Variants in WDR70 observed in about 807,000 individuals in gnomAD.
WDR70 encodes WD repeat domain 70.
In WDR70, 53 loss-of-function variants were observed where a neutral mutation model predicts 88.6. That is an observed-to-expected ratio of 0.60 (90% CI 0.48 to 0.75). The LOEUF is 0.75. WDR70 is among the 30% of genes least tolerant of loss of function. The pLI is 0.00. For missense variants in WDR70, 610 were observed against 823.2 expected, an observed-to-expected ratio of 0.74 and a Z score of 3.17; for synonymous variants, 280 against 270.0, an observed-to-expected ratio of 1.04 and a Z score of -0.36.
At chr5:37,519,967 C>T (rs1741035917) in intron 9 of WDR70, among the ~76,000 whole-genome samples, 1 of 152,140 alleles carries the variant, frequency 6.6e-6, no homozygotes, top group African/African-American at 2.4e-5. Context: ...GCATTTGTAT[C>T]TGCTCATCCA....
intron 17 of WDR70, among the ~76,000 whole-genome samples, chr5:37,731,607 A>G (rs1392820673): frequency 2.6e-5 from 4 of 152,096 alleles, no homozygotes; most frequent in African/African-American, 9.6e-5. Context: ...TTTTTTTTAT[A>G]CTTCAGAAAC....
intron 10 of WDR70, among the ~76,000 whole-genome samples, chr5:37,669,265 T>A (rs1745951324): frequency 6.6e-6 from 1 of 152,146 alleles, no homozygotes; most frequent in Non-Finnish European, 1.5e-5. Flanking sequence ...ATTATGGGGA[T>A]GCTGAATGGA....
intron 3 of WDR70, among the ~76,000 whole-genome samples, chr5:37,387,098 TAA>T (rs34087509): frequency 5.0e-5 from 7 of 140,222 alleles, no homozygotes; most frequent in Admixed American, 7.2e-5. Context: ...AAACTCTGTC[TAA>T]AAAAAAAAAA....
At chr5:37,382,397 TTTTTGTTTTTTTG>T (rs2111844616) in intron 3 of WDR70, among the ~76,000 whole-genome samples, 1 of 151,510 alleles carries the variant, frequency 6.6e-6, no homozygotes, top group South Asian at 2.1e-4. Flanking sequence ...TGTGCCCCGC[TTTTTGTTTTTTTG>T]TTTTGTTTTG....
At chr5:37,697,536 G>T in intron 10 of WDR70, 119 bp from the exon 11 acceptor site, 1 of 696,956 alleles carries the variant, frequency 1.4e-6, no homozygotes, top group South Asian at 2.4e-5. Flanking sequence ...TGTGAAATTA[G>T]TACTTTGCTT....
At chr5:37,446,877 T>C (rs1738499935) in intron 7 of WDR70, among the ~76,000 whole-genome samples, 1 of 152,204 alleles carries the variant, frequency 6.6e-6, no homozygotes, top group Admixed American at 6.5e-5. Flanking sequence ...GACATAGGCA[T>C]GGGCAAGGAC....
intron 9 of WDR70, among the ~76,000 whole-genome samples, chr5:37,568,947 C>T (rs1742821303): frequency 6.6e-6 from 1 of 152,124 alleles, no homozygotes; most frequent in African/African-American, 2.4e-5. Context: ...AGCACCCTGC[C>T]TAACCTACAT....
At chr5:37,480,959 T>C (rs1414061376) in intron 8 of WDR70, among the ~76,000 whole-genome samples, 2 of 152,188 alleles carry the variant, frequency 1.3e-5, no homozygotes, top group African/African-American at 4.8e-5. Flanking sequence ...ATGAGAGAAA[T>C]TGGCCAAAGC....
chr5:37,605,281 T>C, intron 10 of WDR70, 43 bp downstream of exon 10: 1 of 1,534,896 alleles, frequency 6.5e-7, no homozygotes, highest in Non-Finnish European at 8.8e-7. Context: ...CTTAAATCTT[T>C]CCTTAGAAGA....
intron 9 of WDR70, among the ~76,000 whole-genome samples, chr5:37,553,621 A>G (rs576570104): frequency 4.6e-5 from 7 of 152,326 alleles, no homozygotes; most frequent in Admixed American, 1.3e-4. Context: ...TGTATCTTCT[A>G]TGTGCAAATC....
chr5:37,539,299 A>C (rs1378337719), intron 9 of WDR70, among the ~76,000 whole-genome samples: 1 of 152,144 alleles, frequency 6.6e-6, no homozygotes, highest in Non-Finnish European at 1.5e-5. Context: ...TATGGGCTGA[A>C]TTGGCTGTAT....
chr5:37,507,048 C>A (rs1740582151), intron 8 of WDR70, among the ~76,000 whole-genome samples: 1 of 152,026 alleles, frequency 6.6e-6, no homozygotes, highest in Non-Finnish European at 1.5e-5. Context: ...AGTCTTCCTA[C>A]TACTACAGCT....
chr5:37,669,108 C>T (rs1278247443), intron 10 of WDR70, among the ~76,000 whole-genome samples: 2 of 152,110 alleles, frequency 1.3e-5, no homozygotes, highest in African/African-American at 4.8e-5. Context: ...CATGTTTTCC[C>T]CCTTTCCCAA....
chr5:37,535,184 A>G (rs906127603), intron 9 of WDR70, among the ~76,000 whole-genome samples: 2 of 152,108 alleles, frequency 1.3e-5, no homozygotes, highest in Admixed American at 1.3e-4. Context: ...AGAGGGGTCT[A>G]CTGCACGTAG....
At chr5:37,449,600 A>T (rs865966091) in intron 7 of WDR70, among the ~76,000 whole-genome samples, 76 of 43,562 alleles carry the variant, frequency 1.7e-3, no homozygotes, top group Middle Eastern at 0.028. Flanking sequence ...CAAAAAAAAA[A>T]AAATAAAAAA....
chr5:37,724,708 T>C (rs1581528729), intron 15 of WDR70: 1 of 485,256 alleles, frequency 2.1e-6, no homozygotes, highest in South Asian at 2.9e-5. Flanking sequence ...TCCATGACAA[T>C]ATTTGACAGT....
rs1211219898 is a variant in WDR70, at chr5:37,498,160, A to G, written c.840+18173A>G. 2.6e-5 allele frequency among the ~76,000 whole-genome samples: 4 copies of G among 152,144 alleles called. No individual in the cohort carries two copies. The East Asian group carries it at 5.8e-4, about 22-fold the overall frequency. Reference sequence around the variant, plus strand: ...TGAGATGAATTTTACTTCTCTATTCATGGCACTCTATTCATTTGCTTATGA... The same window carrying G: ...TGAGATGAATTTTACTTCTCTATTCGTGGCACTCTATTCATTTGCTTATGA... On this transcript the variant is annotated intron_variant, in intron 8 of 17. Coordinates refer to ENST00000265107, the MANE Select transcript of WDR70 (RefSeq NM_018034.4).
At chr5:37,451,949 G>A (rs1283816428) in intron 7 of WDR70, among the ~76,000 whole-genome samples, 1 of 151,990 alleles carries the variant, frequency 6.6e-6, no homozygotes, top group African/African-American at 2.4e-5. Context: ...AGCTCAGATG[G>A]CGCCACTACA....
rs187561836 is a variant in WDR70, at chr5:37,645,343, C to T, written c.1092+40105C>T. Among the ~76,000 whole-genome samples, 344 of 152,030 alleles carry T rather than the reference C, an allele frequency of 2.3e-3. 1 individual carries two copies. The highest frequency in any genetic ancestry group is 8.1e-3 in the African/African-American group (335 of 41,522). ...ATTTCTAGGTTTATTCCATTGTGGT[C>T]AGAGAAGATGTATGATATTATTTCA... On this transcript the variant is annotated intron_variant, in intron 10 of 17. Transcript: ENST00000265107.
Sources: gnomAD v4.1 joint callset for allele counts (sites outside exome capture counted in the v4.1 genomes callset) on GRCh38, gnomAD v4.1.1 for gene constraint, MANE v1.5 for transcripts, NCBI Gene and HGNC (gene_info 2026-07-23, HGNC 2026-07-21) for gene names.